The following KREMEN1 variants were observed in gnomAD, a reference collection of about 807,000 sequenced individuals.
KREMEN1 encodes the protein kringle containing transmembrane protein 1.
A neutral mutation model predicts 46.5 loss-of-function variants in KREMEN1; 30 were observed. That is an observed-to-expected ratio of 0.65 (90% CI 0.48 to 0.88). KREMEN1 has a LOEUF of 0.88. KREMEN1 is among the 40% of genes least tolerant of loss of function. KREMEN1 has a pLI of 0.00. For missense variants in KREMEN1, 533 were observed against 596.9 expected (o/e 0.89, Z 1.11); for synonymous variants, 214 against 230.6 (o/e 0.93, Z 0.65).
chr22:29,142,246 C>G lies in KREMEN1; in HGVS notation c.*134C>G. ...CCTCGGCCTCTTCGGGGAAACCCTC[C>G]TCCTACAGACTAGGAAGAGGCACCC... On this transcript the variant is annotated 3_prime_UTR_variant, in exon 9 of 9. Transcript: ENST00000400335. 7.3e-7 allele frequency: 1 copy of G among 1,371,796 alleles called. No individual in the cohort carries two copies. Among genetic ancestry groups the G allele is most frequent in the Non-Finnish European group, 9.4e-7 (1 of 1,067,258 alleles). 85.0% of individuals were successfully genotyped at this position (1,371,796 alleles called of 1,614,324 possible). A position where few individuals can be genotyped will look rare whatever the true frequency, so the allele number is the denominator to read the frequency against.
intron 9 of KREMEN1, among the ~76,000 whole-genome samples, chr22:29,160,989 C>G (rs1251695926): frequency 1.3e-5 from 2 of 151,584 alleles, no homozygotes; most frequent in African/African-American, 4.8e-5. Flanking sequence ...GCTAGATTAA[C>G]AAAGAAAGAG....
chr22:29,142,261 AAGAGGCACCCTGCTGCC>A lies in KREMEN1; in HGVS notation c.*152_*168del. 1.5e-6 allele frequency: 2 copies of A among 1,346,976 alleles called. No individual in the cohort carries two copies. Among genetic ancestry groups the A allele is most frequent in the Non-Finnish European group, 1.9e-6 (2 of 1,054,296 alleles). 83.4% of individuals were successfully genotyped at this position (1,346,976 alleles called of 1,614,324 possible). A position where few individuals can be genotyped will look rare whatever the true frequency, so the allele number is the denominator to read the frequency against. On this transcript the variant is annotated 3_prime_UTR_variant, in exon 9 of 9. Coordinates refer to ENST00000400335, the MANE Select transcript of KREMEN1 (RefSeq NM_001039570.3). ...GGAAACCCTCCTCCTACAGACTAGGAAGAGGCACCCTGCTGCCAGGGCAGGCAGAGCCTGGATTCCTC... is the reference window on the plus strand; with the variant it reads ...GGAAACCCTCCTCCTACAGACTAGGAAGGGCAGGCAGAGCCTGGATTCCTC...
At chr22:29,141,403 A>G (rs1036010619) in intron 8 of KREMEN1, among the ~76,000 whole-genome samples, 2 of 152,178 alleles carry the variant, frequency 1.3e-5, no homozygotes, top group African/African-American at 4.8e-5. Flanking sequence ...AGAGAGCCCA[A>G]TGCTTCCTAT....
chr22:29,133,468 G>A (rs1038738795), intron 5 of KREMEN1, among the ~76,000 whole-genome samples: 4 of 151,810 alleles, frequency 2.6e-5, no homozygotes, highest in South Asian at 4.2e-4. Context: ...ACCCAGCTAA[G>A]TTTTTAATTT....
At chr22:29,105,299 C>G (rs1281568481) in intron 3 of KREMEN1, among the ~76,000 whole-genome samples, 2 of 151,062 alleles carry the variant, frequency 1.3e-5, no homozygotes, top group Admixed American at 6.6e-5. Flanking sequence ...ATGTCTAGAA[C>G]AGACCCGTTA....
chr22:29,098,562 G>C (rs1179766597), intron 2 of KREMEN1, among the ~76,000 whole-genome samples: 1 of 152,178 alleles, frequency 6.6e-6, no homozygotes, highest in African/African-American at 2.4e-5. Flanking sequence ...AGGTGCCAGT[G>C]CTATTTGGCA....
At position 29,094,356 on chromosome 22, in the gene KREMEN1, C is replaced by A. The variant is rs745721901; in HGVS notation, c.196C>A (p.His66Asn). The A allele has an allele frequency of 2.7e-5, 43 of 1,613,898 alleles. No homozygotes were observed. The East Asian group carries it at 9.1e-4, about 34-fold the overall frequency. The change falls in exon 2 of 9, where the codon CAT (histidine) becomes AAT (asparagine). Residue 66 changes from histidine (H) to asparagine (N), a missense_variant. By Grantham distance (68) the His-to-Asn change is moderately conservative. Transcript: ENST00000400335. Reference protein sequence around the residue: ...PCLFWNETFQHPYNTLKYPNG... With the variant: ...PCLFWNETFQNPYNTLKYPNG... ...TCTGTTTTGGAACGAGACTTTCCAGCATCCATACAACACTCTGAAATACCC... is the reference window on the plus strand; with the variant it reads ...TCTGTTTTGGAACGAGACTTTCCAGAATCCATACAACACTCTGAAATACCC...
At chr22:29,077,869 T>C (rs993565811) in intron 1 of KREMEN1, among the ~76,000 whole-genome samples, 1 of 152,246 alleles carries the variant, frequency 6.6e-6, no homozygotes, top group African/African-American at 2.4e-5. Context: ...ATGGTTAAAA[T>C]GGTACATTTT....
intron 9 of KREMEN1, among the ~76,000 whole-genome samples, chr22:29,165,579 A>G (rs1329064157): frequency 6.6e-6 from 1 of 152,178 alleles, no homozygotes; most frequent in African/African-American, 2.4e-5. Context: ...TTACTTCATG[A>G]TCCTGTTCAA....
chr22:29,118,590 A>C (rs2145806651), intron 3 of KREMEN1, among the ~76,000 whole-genome samples: 1 of 152,128 alleles, frequency 6.6e-6, no homozygotes, highest in Admixed American at 6.5e-5. Context: ...TGCTGCAGAG[A>C]GAGAGGGGGC....
chr22:29,094,028 A>C (rs1009780732), intron 1 of KREMEN1, among the ~76,000 whole-genome samples: 1 of 152,128 alleles, frequency 6.6e-6, no homozygotes, highest in South Asian at 2.1e-4. Flanking sequence ...TTTAGGGGAA[A>C]ATGTTCTAGT....
At chr22:29,122,953 A>G (rs1312949042) in intron 4 of KREMEN1, among the ~76,000 whole-genome samples, 3 of 150,880 alleles carry the variant, frequency 2.0e-5, no homozygotes, top group Admixed American at 6.6e-5. Flanking sequence ...AAAAAAAAAA[A>G]AAAAAAAAAA....
chr22:29,125,381 C>T lies in KREMEN1; in HGVS notation c.596C>T (p.Pro199Leu). The change falls in exon 5 of 9, where the codon CCC (proline) becomes CTC (leucine). Residue 199 changes from proline (P) to leucine (L), a missense_variant. Physicochemically the swap from Pro to Leu is moderately conservative, Grantham distance 98. Coordinates refer to ENST00000400335, the MANE Select transcript of KREMEN1 (RefSeq NM_001039570.3). ...NSVCFGDHTQPCGGDGRIILF... is the reference protein window; with the variant it reads ...NSVCFGDHTQLCGGDGRIILF... ...GTCTGCTTCGGGGATCACACCCAAC[C>T]CTGTGGTGGCGATGGCAGGATCATC... 1.2e-6 allele frequency: 2 copies of T among 1,614,188 alleles called. No homozygotes were observed. The highest frequency in any genetic ancestry group is 1.7e-6 in the Non-Finnish European group (2 of 1,180,030).
At chr22:29,082,517 GT>G (rs1410149965) in intron 1 of KREMEN1, among the ~76,000 whole-genome samples, 9 of 152,190 alleles carry the variant, frequency 5.9e-5, no homozygotes, top group African/African-American at 1.2e-4. Flanking sequence ...GAATACATTG[GT>G]GAGGAAACTA....
chr22:29,134,613 C>A (rs932305428), intron 5 of KREMEN1, among the ~76,000 whole-genome samples: 4 of 152,102 alleles, frequency 2.6e-5, no homozygotes, highest in Non-Finnish European at 5.9e-5. Context: ...TTATTGAATG[C>A]CATATGCTAT....
At chr22:29,139,373 A>C (rs933203440) in intron 7 of KREMEN1, among the ~76,000 whole-genome samples, 4 of 152,218 alleles carry the variant, frequency 2.6e-5, no homozygotes, top group African/African-American at 9.6e-5. Flanking sequence ...AGGCCGAGGC[A>C]GGAAGATTGC....
In KREMEN1 at chr22:29,093,910, A is replaced by G. The variant is rs138050023; in HGVS notation, c.98-348A>G. On this transcript the variant is annotated intron_variant, in intron 1 of 8. Transcript: ENST00000400335. ...CCCCTCAGAGTATCCAGAATTCCAC[A>G]TGGATGGCTGTTACCAACTGTTCCC... Among the ~76,000 whole-genome samples, 537 of 152,318 alleles carry G rather than the reference A, an allele frequency of 3.5e-3. 6 individuals are homozygous for G. Among genetic ancestry groups the G allele is most frequent in the African/African-American group, 0.012 (519 of 41,566 alleles).
intron 5 of KREMEN1, among the ~76,000 whole-genome samples, chr22:29,132,776 A>T (rs1480800233): frequency 6.6e-6 from 1 of 152,054 alleles, no homozygotes. Context: ...TTTCACCTGC[A>T]TTTTTTTGAG....
intron 3 of KREMEN1, among the ~76,000 whole-genome samples, chr22:29,103,267 G>A (rs1468858435): frequency 1.3e-5 from 2 of 152,156 alleles, no homozygotes; most frequent in Non-Finnish European, 2.9e-5. Context: ...GAATATAACA[G>A]ACCCAGCAGG....
Sources: gnomAD v4.1 joint callset for allele counts (sites outside exome capture counted in the v4.1 genomes callset) on GRCh38, gnomAD v4.1.1 for gene constraint, MANE v1.5 for transcripts, NCBI Gene and HGNC (gene_info 2026-07-23, HGNC 2026-07-21) for gene names.